NTM: variants seen among roughly 807,000 people sequenced by gnomAD.
The protein encoded by NTM is neurotrimin.
Under a neutral mutation model 42.1 loss-of-function variants are expected in NTM, and 13 were observed. The ratio of observed to expected loss-of-function variants is 0.31; its 90% CI spans 0.20 to 0.49. NTM has a LOEUF of 0.49. NTM is among the 20% of genes least tolerant of loss of function. NTM has a pLI of 0.99. For missense variants in NTM, 373 were observed against 452.8 expected, an observed-to-expected ratio of 0.82 and a Z score of 1.60; for synonymous variants, 187 against 179.2, an observed-to-expected ratio of 1.04 and a Z score of -0.35.
At chr11:131,944,684 G>GGAA (rs1231727716) in intron 2 of NTM, among the ~76,000 whole-genome samples, 1 of 152,098 alleles carries the variant, frequency 6.6e-6, no homozygotes, top group East Asian at 1.9e-4. Context: ...TTTAAGAGTT[G>GGAA]GAAGCTGCTT....
chr11:131,954,049 G>A (rs1415671643), intron 2 of NTM, among the ~76,000 whole-genome samples: 4 of 152,162 alleles, frequency 2.6e-5, no homozygotes, highest in African/African-American at 9.7e-5. Context: ...AGTCGAATCG[G>A]AGGGATCCCC....
chr11:132,152,225 A>G (rs1276983262), intron 3 of NTM, among the ~76,000 whole-genome samples: 2 of 152,220 alleles, frequency 1.3e-5, no homozygotes, highest in African/African-American at 4.8e-5. Context: ...AGAAAGCACC[A>G]TGCCCTTCTG....
chr11:131,915,725 C>CA (rs936465282), intron 2 of NTM, among the ~76,000 whole-genome samples: 1 of 152,046 alleles, frequency 6.6e-6, no homozygotes, highest in Non-Finnish European at 1.5e-5. Flanking sequence ...TGGCAGAAGG[C>CA]AAAAGGCACA....
intron 1 of NTM, chr11:131,909,917 C>T (rs1369197611): frequency 6.6e-6 from 1 of 152,164 alleles, no homozygotes. Context: ...GTGGCTCACA[C>T]TCATCCACCC....
chr11:132,021,955 C>T (rs2074408420), intron 2 of NTM, among the ~76,000 whole-genome samples: 1 of 152,230 alleles, frequency 6.6e-6, no homozygotes, highest in Non-Finnish European at 1.5e-5. Context: ...GGTGTGTTTG[C>T]ATGCAGATTT....
At chr11:132,280,497 T>C (rs2093931790) in intron 4 of NTM, among the ~76,000 whole-genome samples, 1 of 130,930 alleles carries the variant, frequency 7.6e-6, no homozygotes, top group Non-Finnish European at 1.6e-5. Context: ...TTTTTTTTTT[T>C]TTTTTTGAGA....
chr11:131,818,333 A>C (rs1265015011), intron 1 of NTM, among the ~76,000 whole-genome samples: 2 of 152,204 alleles, frequency 1.3e-5, no homozygotes, highest in East Asian at 1.9e-4. Flanking sequence ...GACAGTTTTT[A>C]AAGGAGTTAT....
At chr11:132,101,443 A>G (rs9630202) in intron 2 of NTM, among the ~76,000 whole-genome samples, 106,967 of 152,074 alleles carry the variant, frequency 0.7, 38,343 homozygotes, top group African/African-American at 0.77. Context: ...GAAGTTACAC[A>G]AAGACTAGCT....
chr11:131,597,419 G>A (rs1466859886), intron 1 of NTM, among the ~76,000 whole-genome samples: 1 of 152,140 alleles, frequency 6.6e-6, no homozygotes, highest in African/African-American at 2.4e-5. Flanking sequence ...CACCTGCAGA[G>A]GCTGCACTCA....
chr11:132,331,859 G>A (rs1270411285), intron 8 of NTM, among the ~76,000 whole-genome samples: 1 of 152,084 alleles, frequency 6.6e-6, no homozygotes, highest in Non-Finnish European at 1.5e-5. Context: ...GTGTGTGAGG[G>A]TGGGGAAAAA....
intron 4 of NTM, among the ~76,000 whole-genome samples, chr11:132,302,686 T>C (rs1286399034): frequency 1.3e-5 from 2 of 152,124 alleles, no homozygotes; most frequent in Non-Finnish European, 2.9e-5. Context: ...TCAAAGGCCT[T>C]CAATCGCATT....
At chr11:131,973,259 A>G (rs1044363657) in intron 2 of NTM, among the ~76,000 whole-genome samples, 5 of 152,212 alleles carry the variant, frequency 3.3e-5, no homozygotes, top group African/African-American at 1.2e-4. Context: ...AATAGGATAC[A>G]GAGGGGGAAG....
At chr11:132,147,214 T>TGTGTGTGTGTGA (rs1337361068) in intron 3 of NTM, among the ~76,000 whole-genome samples, 13 of 122,896 alleles carry the variant, frequency 1.1e-4, no homozygotes, top group South Asian at 2.8e-4. Context: ...TGTGTGTGTG[T>TGTGTGTGTGTGA]GAGAGAGAGA....
intron 1 of NTM, among the ~76,000 whole-genome samples, chr11:131,568,808 T>G (rs2057154603): frequency 6.6e-6 from 1 of 152,182 alleles, no homozygotes; most frequent in South Asian, 2.1e-4. Context: ...GCCTTAGTAA[T>G]GTTGGGGAGG....
At chr11:131,997,861 T>C (rs570512054) in intron 2 of NTM, among the ~76,000 whole-genome samples, 65 of 152,250 alleles carry the variant, frequency 4.3e-4, no homozygotes, top group African/African-American at 1.5e-3. Flanking sequence ...TGGTGAATAG[T>C]ACTGGGGTTT....
At position 131,952,880 on chromosome 11, in the gene NTM, T is replaced by C. The variant is rs113589258; in HGVS notation, c.167+41232T>C. ...CTCTTCTTGCCCTTGCTATCTATCA[T>C]GATAGGCCTTGATGCCCCAGAGAAC... On this transcript the variant is annotated intron_variant, in intron 2 of 8. Transcript: ENST00000683400. 7.9e-3 allele frequency among the ~76,000 whole-genome samples: 1,205 copies of C among 152,328 alleles called. 15 individuals are homozygous for C. Among genetic ancestry groups the C allele is most frequent in the African/African-American group, 0.027 (1,134 of 41,568 alleles).
chr11:132,113,278 A>T (rs907159983), intron 2 of NTM, among the ~76,000 whole-genome samples: 1 of 152,146 alleles, frequency 6.6e-6, no homozygotes, highest in African/African-American at 2.4e-5. Flanking sequence ...TTGCTTCTTA[A>T]ATAATGTTGG....
intron 3 of NTM, among the ~76,000 whole-genome samples, chr11:132,152,064 CTT>C (rs1229186417): frequency 6.6e-6 from 1 of 152,212 alleles, no homozygotes; most frequent in Non-Finnish European, 1.5e-5. Context: ...GGAACAATAA[CTT>C]TTAATTTCTA....
At chr11:132,311,020 A>C (rs1263590797) in intron 6 of NTM, among the ~76,000 whole-genome samples, 1 of 152,146 alleles carries the variant, frequency 6.6e-6, no homozygotes, top group Non-Finnish European at 1.5e-5. Flanking sequence ...AGGGGATGCT[A>C]GAGAGTCCTG....
Sources: allele counts gnomAD v4.1 joint callset (sites outside exome capture counted in the v4.1 genomes callset), GRCh38; gene constraint gnomAD v4.1.1; transcripts MANE v1.5; gene names NCBI Gene and HGNC (gene_info 2026-07-23, HGNC 2026-07-21).